GNAS: variants seen among roughly 807,000 people sequenced by gnomAD.
The protein encoded by GNAS is protein ALEX.
A neutral mutation model predicts 54.5 loss-of-function variants in GNAS; 8 were observed. That is an observed-to-expected ratio of 0.15 (90% CI 0.09 to 0.26). GNAS has a LOEUF of 0.26. Among genes scored for constraint, GNAS ranks in the 10% least tolerant of loss-of-function variants. The probability of loss-of-function intolerance (pLI) is 1.00; values close to 1 mark genes in which losing one functional copy is unlikely to be tolerated. For missense variants in GNAS, 170 were observed against 529.8 expected (o/e 0.32, Z 6.67); for synonymous variants, 204 against 191.4 (o/e 1.07, Z -0.54).
chr20:58,875,611 GA>G (rs2087754768), intron 1 of GNAS, among the ~76,000 whole-genome samples: 1 of 152,162 alleles, frequency 6.6e-6, no homozygotes, highest in African/African-American at 2.4e-5. Flanking sequence ...GTGACCCCAG[GA>G]CACGTGGACC....
chr20:58,891,889 GC>G, intron 1 of GNAS, 24 bp downstream of exon 1: 2 of 1,112,204 alleles, frequency 1.8e-6, no homozygotes, highest in Admixed American at 2.9e-5. Context: ...GGGGGCGCCG[GC>G]CCCGGCCCGG....
chr20:58,845,151 AG>A (rs1403497100), intron 1 of GNAS, among the ~76,000 whole-genome samples: 3 of 152,286 alleles, frequency 2.0e-5, no homozygotes, highest in Non-Finnish European at 4.4e-5. Context: ...CAGCTTGGAG[AG>A]GCTAACCACT....
rs1173220531 is a variant in GNAS at position 58,873,641 on chromosome 20, C to T, written c.44-21971C>T. Among the ~76,000 whole-genome samples, 1 of 152,182 alleles carries T rather than the reference C, an allele frequency of 6.6e-6. No homozygotes were observed. Among genetic ancestry groups the T allele is most frequent in the African/African-American group, 2.4e-5 (1 of 41,440 alleles). ...GCAGTAGCTGCTCACGTGTCTGCCA[C>T]GCCCCTTAGAAGGACGAATCCTTGC... On this transcript the variant is annotated intron_variant, in intron 1 of 12. Transcript: ENST00000306090. This position sits in a 1 kb window ranked among gnomAD's most constrained non-coding sequence, Gnocchi z 4.3.
chr20:58,848,795 G>A, intron 1 of GNAS: 1 of 398,100 alleles, frequency 2.5e-6, no homozygotes. Context: ...AGGTGCCACA[G>A]GTGGGTCAAC....
At position 58,840,929 on chromosome 20, in the gene GNAS, G is replaced by T. The variant is rs539043629; in HGVS notation, c.43+43G>T. On this transcript the variant is annotated intron_variant, in intron 1 of 12. Coordinates refer to the GNAS transcript ENST00000306090. The surrounding 1 kb of genome is among the most constrained non-coding windows in gnomAD (Gnocchi z 6.0). The stretch of plus-strand genomic sequence containing the variant: ...AAACTGGGGAGCCTGAGGGCGGTGT[G>T]GGAGCAGCGCAGGTGGAAAGGAGGT... 6.2e-7 allele frequency: 1 copy of T among 1,603,516 alleles called. No individual in the cohort carries two copies. Among genetic ancestry groups the T allele is most frequent in the African/African-American group, 1.3e-5 (1 of 74,850 alleles).
chr20:58,910,938 C>A lies in GNAS; in HGVS notation c.*109C>A. The A allele has an allele frequency of 9.3e-7, 1 of 1,078,306 alleles. No individual in the cohort carries two copies. Among genetic ancestry groups the A allele is most frequent in the Non-Finnish European group, 1.4e-6 (1 of 713,546 alleles). 66.8% of individuals were successfully genotyped at this position (1,078,306 alleles called of 1,614,324 possible). Reference sequence around the variant, plus strand: ...CCATAGGGCATGATTAACAAAGCAACCTTTCCCTTCCCCCGAGTGATTTTG... The same window carrying A: ...CCATAGGGCATGATTAACAAAGCAAACTTTCCCTTCCCCCGAGTGATTTTG... On this transcript the variant is annotated 3_prime_UTR_variant, in exon 13 of 13. Transcript: ENST00000371085. This position sits in a 1 kb window ranked among gnomAD's most constrained non-coding sequence, Gnocchi z 5.8.
intron 2 of GNAS, among the ~76,000 whole-genome samples, chr20:58,896,654 A>C (rs928499355): frequency 6.0e-4 from 91 of 152,070 alleles, no homozygotes; most frequent in Non-Finnish European, 1.2e-4. Flanking sequence ...AAAACAAAAC[A>C]AAAAAACTAA....
At chr20:58,908,333 A>G (rs1354916471) in intron 6 of GNAS, among the ~76,000 whole-genome samples, 1 of 152,182 alleles carries the variant, frequency 6.6e-6, no homozygotes, top group Admixed American at 6.5e-5. Flanking sequence ...GCTTTTTTTA[A>G]TGAAAAGCGT....
At position 58,905,663 on chromosome 20, in the gene GNAS, AT is replaced by A. The variant is rs371995792; in HGVS notation, c.530+191del. Among the ~76,000 whole-genome samples the A allele has an allele frequency of 9.0e-3, 1,364 of 152,038 alleles. 9 individuals carry two copies. Among genetic ancestry groups the A allele is most frequent in the Middle Eastern group, 0.024 (7 of 294 alleles). On this transcript the variant is annotated intron_variant, in intron 6 of 12. Transcript: ENST00000371085. Reference sequence around the variant, plus strand: ...GTTTATTTATAAAGTCCTTAATTGCATTTTTTTTCTTTTAGTGCAGCGACAT... The same window carrying A: ...GTTTATTTATAAAGTCCTTAATTGCATTTTTTTCTTTTAGTGCAGCGACAT...
chr20:58,877,735 C>T (rs548377634), intron 1 of GNAS, among the ~76,000 whole-genome samples: 11 of 152,332 alleles, frequency 7.2e-5, no homozygotes, highest in Non-Finnish European at 4.4e-5. Flanking sequence ...GAGAGAACGG[C>T]GCTGTCACTG....
intron 6 of GNAS, chr20:58,908,840 C>A: frequency 5.3e-6 from 2 of 375,294 alleles, no homozygotes; most frequent in Non-Finnish European, 9.9e-6. Context: ...TAAAAATAAA[C>A]ACGAAGAACA....
intron 1 of GNAS, chr20:58,855,652 A>AGGAACTGCCGGGGAGGGGCCCCG: frequency 1.5e-6 from 1 of 648,924 alleles, no homozygotes; most frequent in Non-Finnish European, 2.9e-6. Context: ...CAGGTGAGCC[A>AGGAACTGCCGGGGAGGGGCCCCG]GGAACTGCCG....
chr20:58,861,300 G>A (rs890397953), intron 1 of GNAS, among the ~76,000 whole-genome samples: 3 of 152,192 alleles, frequency 2.0e-5, no homozygotes, highest in Non-Finnish European at 4.4e-5. Context: ...AGAAGGGACA[G>A]GGCCAATTGA....
At chr20:58,865,841 G>A (rs2087035618) in intron 1 of GNAS, among the ~76,000 whole-genome samples, 1 of 152,174 alleles carries the variant, frequency 6.6e-6, no homozygotes, top group Non-Finnish European at 1.5e-5. Flanking sequence ...ATAGTGAGCT[G>A]ACTTTGATTA....
At chr20:58,840,237 CCCTTGCCA>C, upstream of GNAS, 1 of 1,611,160 alleles carries the variant, frequency 6.2e-7, no homozygotes, top group Admixed American at 1.7e-5. This position sits in a 1 kb window ranked among gnomAD's most constrained non-coding sequence, Gnocchi z 6.0. Context: ...CTCCTCCGCG[CCCTTGCCA>C]CCTCCAACGC....
intron 1 of GNAS, among the ~76,000 whole-genome samples, chr20:58,872,958 A>G (rs1287236923): frequency 6.6e-6 from 1 of 152,236 alleles, no homozygotes; most frequent in Non-Finnish European, 1.5e-5. Flanking sequence ...CTTCTTGTAA[A>G]GCACAACCAC....
chr20:58,902,611 C>A (rs2090721734), intron 3 of GNAS, among the ~76,000 whole-genome samples: 1 of 151,156 alleles, frequency 6.6e-6, no homozygotes, highest in African/African-American at 2.4e-5. Context: ...ATAAGGCCTT[C>A]TAGGGGGTGG....
At chr20:58,852,700 G>A (rs1226827450) in intron 1 of GNAS, 1 of 198,686 alleles carries the variant, frequency 5.0e-6, no homozygotes, top group East Asian at 7.7e-5. Flanking sequence ...TCTGGCCAGC[G>A]GAGAAGCGAG....
intron 1 of GNAS, chr20:58,892,336 T>G (rs1211355087): frequency 2.0e-5 from 4 of 204,190 alleles, no homozygotes; most frequent in East Asian, 4.3e-4. Flanking sequence ...GGGTGTGAGA[T>G]TTGTTGGGAG....
Sources: allele counts gnomAD v4.1 joint callset (sites outside exome capture counted in the v4.1 genomes callset), GRCh38; gene constraint gnomAD v4.1.1; non-coding constraint Gnocchi (gnomAD v3.1); transcripts MANE v1.5; gene names NCBI Gene and HGNC (gene_info 2026-07-23, HGNC 2026-07-21).